VWA8: variants seen among roughly 807,000 people sequenced by gnomAD.
The protein encoded by VWA8 is von Willebrand factor A domain-containing protein 8.
Under a neutral mutation model 241.5 loss-of-function variants are expected in VWA8, and 221 were observed. The ratio of observed to expected loss-of-function variants is 0.91; its 90% CI spans 0.82 to 1.02. The LOEUF is 1.02. VWA8 is among the 50% of genes least tolerant of loss of function. VWA8 has a pLI of 0.00. For missense variants in VWA8, 2,322 were observed against 2,328.7 expected (o/e 1.00, Z 0.06); for synonymous variants, 852 against 827.1 (o/e 1.03, Z -0.52).
At chr13:41,642,411 T>G (rs943978016) in intron 37 of VWA8, among the ~76,000 whole-genome samples, 1 of 150,726 alleles carries the variant, frequency 6.6e-6, no homozygotes, top group Admixed American at 6.6e-5. Context: ...CACAAAAAAT[T>G]AGCCAGGCAT....
chr13:41,668,360 G>T (rs2045000489), intron 37 of VWA8, among the ~76,000 whole-genome samples: 2 of 152,220 alleles, frequency 1.3e-5, no homozygotes, highest in South Asian at 4.2e-4. Context: ...TGGAGATCAG[G>T]TTACTCTGTC....
intron 2 of VWA8, among the ~76,000 whole-genome samples, chr13:41,941,563 C>A (rs747203645): frequency 1.3e-5 from 2 of 152,108 alleles, no homozygotes; most frequent in Non-Finnish European, 2.9e-5. Flanking sequence ...GAAATGCATA[C>A]AGAATTTATT....
At chr13:41,638,499 G>A (rs758078858) in intron 37 of VWA8, among the ~76,000 whole-genome samples, 1 of 152,136 alleles carries the variant, frequency 6.6e-6, no homozygotes, top group African/African-American at 2.4e-5. Context: ...AGGGAAGCTG[G>A]GAGGAGATCG....
At chr13:41,865,854 A>G (rs1873267362) in intron 11 of VWA8, 41 bp from the exon 12 acceptor site, 1 of 1,614,080 alleles carries the variant, frequency 6.2e-7, no homozygotes, top group African/African-American at 1.3e-5. Context: ...AGTCAAAATA[A>G]CCAAAAGCCA....
chr13:41,656,805 C>T (rs2044909363), intron 37 of VWA8, among the ~76,000 whole-genome samples: 1 of 152,168 alleles, frequency 6.6e-6, no homozygotes, highest in Non-Finnish European at 1.5e-5. Flanking sequence ...AGATCATTAG[C>T]TATCACTTGG....
At chr13:41,693,941 T>G (rs1335708142) in intron 29 of VWA8, among the ~76,000 whole-genome samples, 2 of 151,984 alleles carry the variant, frequency 1.3e-5, no homozygotes, top group Non-Finnish European at 2.9e-5. Flanking sequence ...GTGGGGCTCC[T>G]CCAGTTATCC....
intron 4 of VWA8, among the ~76,000 whole-genome samples, chr13:41,897,977 T>C (rs1205833385): frequency 6.6e-6 from 1 of 152,156 alleles, no homozygotes; most frequent in Non-Finnish European, 1.5e-5. Context: ...ATCCCTGAGC[T>C]AGACACAAAG....
intron 21 of VWA8, among the ~76,000 whole-genome samples, chr13:41,742,641 G>A (rs1338962216): frequency 6.6e-6 from 1 of 152,130 alleles, no homozygotes; most frequent in Admixed American, 6.5e-5. Context: ...AATTAAAGAA[G>A]GATATTTTGG....
chr13:41,577,461 G>T (rs1206979134), intron 42 of VWA8, among the ~76,000 whole-genome samples: 1 of 152,176 alleles, frequency 6.6e-6, no homozygotes, highest in East Asian at 1.9e-4. Context: ...GTTAGAAATT[G>T]CTCAGGATAG....
intron 17 of VWA8, among the ~76,000 whole-genome samples, chr13:41,805,307 A>G (rs973852952): frequency 3.3e-5 from 5 of 152,222 alleles, no homozygotes; most frequent in African/African-American, 1.2e-4. Context: ...GACAAAAACT[A>G]TAAGAAGAGA....
intron 4 of VWA8, among the ~76,000 whole-genome samples, chr13:41,903,106 T>C (rs1048732065): frequency 2.0e-5 from 3 of 152,126 alleles, no homozygotes; most frequent in African/African-American, 7.2e-5. Flanking sequence ...CAAAGGCCTT[T>C]CGGTGTAACA....
chr13:41,711,468 A>G (rs931379317), intron 26 of VWA8, among the ~76,000 whole-genome samples: 5 of 152,228 alleles, frequency 3.3e-5, no homozygotes, highest in African/African-American at 1.2e-4. Flanking sequence ...ATGACTTAAT[A>G]GCAACTTACA....
chr13:41,796,390 G>A (rs565121817), intron 17 of VWA8, among the ~76,000 whole-genome samples: 8 of 152,130 alleles, frequency 5.3e-5, no homozygotes, highest in African/African-American at 1.4e-4. Context: ...GTTATGGGTC[G>A]ATTTGAATTT....
intron 21 of VWA8, among the ~76,000 whole-genome samples, chr13:41,740,045 CG>C (rs1306033039): frequency 1.3e-5 from 2 of 151,616 alleles, no homozygotes; most frequent in East Asian, 2.0e-4. Context: ...TTAGTAGAGA[CG>C]GGGTTTCACT....
intron 37 of VWA8, among the ~76,000 whole-genome samples, chr13:41,631,312 G>A (rs895047655): frequency 2.0e-5 from 3 of 152,062 alleles, no homozygotes; most frequent in African/African-American, 7.2e-5. Flanking sequence ...GAGTCACTGT[G>A]CCTGGCTTAG....
At chr13:41,881,907 ACCCCCACCTCCCTCCCG>A (rs1874232697) in intron 9 of VWA8, among the ~76,000 whole-genome samples, 1 of 116,202 alleles carries the variant, frequency 8.6e-6, no homozygotes, top group African/African-American at 3.4e-5. Context: ...GCGGGGGCTG[ACCCCCACCTCCCTCCCG>A]GACGGGGTGG....
chr13:41,606,289 T>C (rs2044553394), intron 39 of VWA8, among the ~76,000 whole-genome samples: 1 of 152,160 alleles, frequency 6.6e-6, no homozygotes, highest in South Asian at 2.1e-4. Context: ...ATATAATGGG[T>C]GCTCAAAATA....
intron 20 of VWA8, among the ~76,000 whole-genome samples, chr13:41,776,305 T>C (rs1868590158): frequency 6.6e-6 from 1 of 152,162 alleles, no homozygotes; most frequent in Non-Finnish European, 1.5e-5. Flanking sequence ...GAAACTCTTA[T>C]AAAAAATTTA....
At chr13:41,623,579 A>AT (rs1186201802) in intron 37 of VWA8, among the ~76,000 whole-genome samples, 1 of 152,206 alleles carries the variant, frequency 6.6e-6, no homozygotes, top group Non-Finnish European at 1.5e-5. Context: ...AAAAATTACC[A>AT]TAACAGCATC....
Sources: allele counts gnomAD v4.1 joint callset (sites outside exome capture counted in the v4.1 genomes callset), GRCh38; gene constraint gnomAD v4.1.1; transcripts MANE v1.5; gene names NCBI Gene and HGNC (gene_info 2026-07-23, HGNC 2026-07-21).